MRPS33: variants seen among roughly 807,000 people sequenced by gnomAD.
MRPS33 encodes the protein small ribosomal subunit protein mS33.
A neutral mutation model predicts 11.2 loss-of-function variants in MRPS33; 11 were observed. The observed-to-expected ratio is 0.99, with a 90% CI of 0.62 to 1.63. The LOEUF (loss-of-function observed/expected upper bound fraction) is 1.63. Among genes scored for constraint, MRPS33 ranks in the 40% most tolerant of loss-of-function variants. The pLI is 0.00. For synonymous variants in MRPS33, 46 were observed against 44.0 expected (o/e 1.05, Z -0.18); for missense variants, 109 against 127.8 (o/e 0.85, Z 0.71).
chr7:141,006,908 A>T (rs38734), intron 2 of MRPS33, among the ~76,000 whole-genome samples: 9,684 of 152,280 alleles, frequency 0.064, 333 homozygotes, highest in Middle Eastern at 0.11. Context: ...ATAGCTACAC[A>T]GAGACCCTGA....
rs38731 is a variant in MRPS33, at chr7:141,004,902, C to G, written c.*1528G>C. On this transcript the variant is annotated 3_prime_UTR_variant, in exon 3 of 3. Coordinates refer to ENST00000324787, the MANE Select transcript of MRPS33 (RefSeq NM_053035.3). ...CTGGGACTACAGGCACCCACCACCA[C>G]GCCCGGCTAACTTTTTTGCATTTTT... 1.3e-5 allele frequency: 2 copies of G among 152,186 alleles called. No individual in the cohort carries two copies. The highest frequency in any genetic ancestry group is 2.4e-5 in the African/African-American group (1 of 41,408). The allele number at this position is 152,186 out of a possible 1,614,324, so 9.4% of individuals were successfully genotyped here.
rs56343833 is a variant in MRPS33, at chr7:141,012,173, C to CAAAAAAAAAAAAAAAAAAAAA, written c.-27-1534_-27-1514dup. ...TGAGTGACAGAGCAAGATTGTGTGT[C>CAAAAAAAAAAAAAAAAAAAAA]AAAAAAAAAAAAAAAAAAAAAGCAG... On this transcript the variant is annotated intron_variant, in intron 1 of 2. Coordinates refer to ENST00000324787, the MANE Select transcript of MRPS33 (RefSeq NM_053035.3). 3.4e-5 allele frequency among the ~76,000 whole-genome samples: 2 copies of CAAAAAAAAAAAAAAAAAAAAA among 58,780 alleles called. 1 individual carries two copies. The highest frequency in any genetic ancestry group is 1.6e-4 in the African/African-American group (2 of 12,480). 38.6% of individuals were successfully genotyped at this position (58,780 alleles called of 152,430 possible).
chr7:141,006,981 A>G (rs1820549388), intron 2 of MRPS33, among the ~76,000 whole-genome samples: 1 of 152,192 alleles, frequency 6.6e-6, no homozygotes, highest in South Asian at 2.1e-4. Context: ...CAGCCTGGCC[A>G]ACATGGTGAA....
In MRPS33 at chr7:141,005,201, GT is replaced by G. The variant is rs1820495747; in HGVS notation, c.*1228del. 6.6e-6 allele frequency: 1 copy of G among 152,272 alleles called. No individual in the cohort carries two copies. Among genetic ancestry groups the G allele is most frequent in the African/African-American group, 2.4e-5 (1 of 41,548 alleles). The allele number at this position is 152,272 out of a possible 1,614,324, so 9.4% of individuals were successfully genotyped here. A position where few individuals can be genotyped will look rare whatever the true frequency, so the allele number is the denominator to read the frequency against. On this transcript the variant is annotated 3_prime_UTR_variant, in exon 3 of 3. Coordinates refer to ENST00000324787, the MANE Select transcript of MRPS33 (RefSeq NM_053035.3). ...CAAAGCCCTTCATGATCTGGCCTCT[GT>G]TTTCTTACAGCCAACCATGAACAAA...
chr7:141,010,193 G>A, intron 2 of MRPS33: 1 of 529,158 alleles, frequency 1.9e-6, no homozygotes, highest in South Asian at 2.3e-5. Flanking sequence ...TCATGTTGTA[G>A]ACATAATTAA....
rs1335038029 is a variant in MRPS33, at chr7:141,010,488, T to C, written c.146A>G (p.Tyr49Cys). The C allele has an allele frequency of 6.2e-7, 1 of 1,614,226 alleles. No individual in the cohort carries two copies. The highest frequency in any genetic ancestry group is 1.3e-5 in the African/African-American group (1 of 75,072). The change falls in exon 2 of 3, where the codon TAT (tyrosine) becomes TGT (cysteine). Residue 49 changes from tyrosine to cysteine, a missense_variant. By Grantham distance (194) the Tyr-to-Cys change is radical. Transcript: ENST00000324787. Reference sequence around the variant, plus strand: ...AGTGTGGTGATTTGGATACCAATCATAAGTCTCCTTCTTCTTGGCCAAGGG... The same window carrying C: ...AGTGTGGTGATTTGGATACCAATCACAAGTCTCCTTCTTCTTGGCCAAGGG... The part of the protein sequence containing the change: ...ELPLAKKKET[Y>C]DWYPNHHTYA...
Position 141,006,140 on chromosome 7 carries a change from C to T in MRPS33, c.*290G>A. The stretch of plus-strand genomic sequence containing the variant: ...TTTCCCCTCCATTCCCCCAGCATCC[C>T]ATCCCACCCCAAACAAATCATCAAA... On this transcript the variant is annotated 3_prime_UTR_variant, in exon 3 of 3. Transcript: ENST00000324787. The T allele has an allele frequency of 2.6e-6, 1 of 382,026 alleles. No homozygotes were observed. The highest frequency in any genetic ancestry group is 3.2e-5 in the South Asian group (1 of 31,378). 23.7% of individuals were successfully genotyped at this position (382,026 alleles called of 1,614,324 possible).
At chr7:141,012,173 C>CAATAAAAAAAAAAAAAA (rs1820690972) in intron 1 of MRPS33, among the ~76,000 whole-genome samples, 1 of 58,782 alleles carries the variant, frequency 1.7e-5, no homozygotes, top group African/African-American at 8.0e-5. Context: ...GATTGTGTGT[C>CAATAAAAAAAAAAAAAA]AAAAAAAAAA....
intron 2 of MRPS33, among the ~76,000 whole-genome samples, chr7:141,008,803 T>A (rs1441817463): frequency 2.4e-4 from 3 of 12,594 alleles, no homozygotes; most frequent in East Asian, 0.031. Flanking sequence ...AAAAAATAAT[T>A]TTTTTTTTTT....
At position 141,005,120 on chromosome 7, in the gene MRPS33, C is replaced by G. The variant is rs1820493126; in HGVS notation, c.*1310G>C. On this transcript the variant is annotated 3_prime_UTR_variant, in exon 3 of 3. Coordinates refer to ENST00000324787, the MANE Select transcript of MRPS33 (RefSeq NM_053035.3). ...CAGCAGCGAGCTACTCAAATCTATA[C>G]AACAGTCATCCCTCATAGAACTTCT... 6.6e-6 allele frequency: 1 copy of G among 152,188 alleles called. No homozygotes were observed. The highest frequency in any genetic ancestry group is 1.5e-5 in the Non-Finnish European group (1 of 68,042). The allele number at this position is 152,188 out of a possible 1,614,324, so 9.4% of individuals were successfully genotyped here.
At chr7:141,011,906 G>T (rs1820681462) in intron 1 of MRPS33, among the ~76,000 whole-genome samples, 1 of 151,922 alleles carries the variant, frequency 6.6e-6, no homozygotes, top group Non-Finnish European at 1.5e-5. Context: ...CCAGTACTTT[G>T]AGAGGCTGAG....
chr7:141,008,546 GGTAC>G (rs1820590954), intron 2 of MRPS33, among the ~76,000 whole-genome samples: 1 of 152,136 alleles, frequency 6.6e-6, no homozygotes, highest in Admixed American at 6.5e-5. Flanking sequence ...GCACGTGGAA[GGTAC>G]GTAAGAAATA....
intron 2 of MRPS33, among the ~76,000 whole-genome samples, chr7:141,008,802 T>A (rs923105898): frequency 4.2e-4 from 5 of 12,046 alleles, no homozygotes; most frequent in African/African-American, 6.6e-4. Context: ...AAAAAAATAA[T>A]TTTTTTTTTT....
Position 141,006,120 on chromosome 7 carries a change from C to A in MRPS33, c.*310G>T, listed in dbSNP as rs964350519. ...AGGATGCTCACTTAATGAGGTTTCCCCTCCATTCCCCCAGCATCCCATCCC... is the reference window on the plus strand; with the variant it reads ...AGGATGCTCACTTAATGAGGTTTCCACTCCATTCCCCCAGCATCCCATCCC... On this transcript the variant is annotated 3_prime_UTR_variant, in exon 3 of 3. Coordinates refer to ENST00000324787, the MANE Select transcript of MRPS33 (RefSeq NM_053035.3). 1.3e-4 allele frequency: 46 copies of A among 346,338 alleles called. No homozygotes were observed. Among genetic ancestry groups the A allele is most frequent in the African/African-American group, 9.1e-4 (43 of 47,202 alleles). The allele number at this position is 346,338 out of a possible 1,614,324, so 21.5% of individuals were successfully genotyped here. A position where few individuals can be genotyped will look rare whatever the true frequency, so the allele number is the denominator to read the frequency against.
At chr7:141,006,622 A>T in intron 2 of MRPS33, 87 bp from the exon 3 acceptor site, 1 of 1,086,076 alleles carries the variant, frequency 9.2e-7, no homozygotes, top group Non-Finnish European at 1.4e-6. Context: ...CTCTTAGGTC[A>T]TTCTGGTTAT....
At chr7:141,007,519 C>A (rs575705190) in intron 2 of MRPS33, among the ~76,000 whole-genome samples, 10 of 152,326 alleles carry the variant, frequency 6.6e-5, no homozygotes, top group African/African-American at 2.4e-4. Context: ...TACTCCTGTT[C>A]ATAGCCCTGC....
chr7:141,010,568 G>T lies in MRPS33; in HGVS notation c.66C>A (p.Val22=), dbSNP rs756647328. ...TAGACTTGGAATTAGTAGGCCTGGT[G>T]ACTTCACCAAATAGCCGGGCACTGA... The part of the protein sequence containing the change: ...SRLSARLFGE[V]TRPTNSKSMK... The change falls in exon 2 of 3, where the codon GTC becomes GTA. Residue 22 remains valine, a synonymous_variant. Transcript: ENST00000324787. 2 of 1,614,202 alleles carry T rather than the reference G, an allele frequency of 1.2e-6. No homozygotes were observed. Among genetic ancestry groups the T allele is most frequent in the Non-Finnish European group, 1.7e-6 (2 of 1,180,042 alleles).
intron 1 of MRPS33, among the ~76,000 whole-genome samples, chr7:141,013,060 A>AG (rs1820716028): frequency 6.7e-6 from 1 of 150,242 alleles, no homozygotes; most frequent in Non-Finnish European, 1.5e-5. Flanking sequence ...ATCATGTTTA[A>AG]GAAAAAAAAA....
Position 141,010,456 on chromosome 7 carries a change from C to T in MRPS33, c.178G>A (p.Glu60Lys), listed in dbSNP as rs757778994. The T allele has an allele frequency of 3.1e-6, 5 of 1,614,018 alleles. No individual in the cohort carries two copies. Among genetic ancestry groups the T allele is most frequent in the African/African-American group, 2.7e-5 (2 of 74,912 alleles). Reference protein sequence around the residue: ...DWYPNHHTYAELMQTLRFLGL... With the variant: ...DWYPNHHTYAKLMQTLRFLGL... ...AGAAATCGGAGCGTCTGCATGAGTT[C>T]AGCGTAAGTGTGGTGATTTGGATAC... is the stretch of plus-strand genomic sequence containing the variant. The change falls in exon 2 of 3, where the codon GAA becomes AAA. Residue 60 changes from glutamate (E) to lysine (K), a missense_variant. Transcript: ENST00000324787.
Sources: gnomAD v4.1 joint callset for allele counts (sites outside exome capture counted in the v4.1 genomes callset) on GRCh38, gnomAD v4.1.1 for gene constraint, MANE v1.5 for transcripts, NCBI Gene and HGNC (gene_info 2026-07-23, HGNC 2026-07-21) for gene names.